The following HIVEP3 variants were observed in gnomAD, a reference collection of about 807,000 sequenced individuals.
HIVEP3 encodes transcription factor HIVEP3.
Under a neutral mutation model 152.8 loss-of-function variants are expected in HIVEP3, and 49 were observed. That is an observed-to-expected ratio of 0.32 (90% CI 0.26 to 0.41). The LOEUF is 0.41. HIVEP3 is among the 10% of genes least tolerant of loss of function. The pLI, the probability that HIVEP3 is intolerant of heterozygous loss-of-function variation, is 1.00. For missense variants in HIVEP3, 2,790 were observed against 3,103.3 expected, an observed-to-expected ratio of 0.90 and a Z score of 2.40; for synonymous variants, 1,269 against 1,289.0, an observed-to-expected ratio of 0.98 and a Z score of 0.33.
intron 1 of HIVEP3, among the ~76,000 whole-genome samples, chr1:41,707,666 C>T (rs1264015270): frequency 6.6e-6 from 1 of 152,196 alleles, no homozygotes; most frequent in Non-Finnish European, 1.5e-5. Flanking sequence ...AGAGGGGGAT[C>T]TTGGGTCAGA....
chr1:41,893,929 T>C (rs991896389), intron 1 of HIVEP3, among the ~76,000 whole-genome samples: 3 of 148,624 alleles, frequency 2.0e-5, no homozygotes, highest in African/African-American at 4.9e-5. Context: ...TATATATAAA[T>C]TGTCTTTCTG....
At chr1:41,989,336 C>T (rs1014786240) in intron 1 of HIVEP3, among the ~76,000 whole-genome samples, 1 of 151,894 alleles carries the variant, frequency 6.6e-6, no homozygotes, top group East Asian at 1.9e-4. Context: ...TACTGTACAT[C>T]ATAAATATGT....
chr1:41,520,029 TG>T (rs1223076852), intron 6 of HIVEP3, among the ~76,000 whole-genome samples: 1 of 151,836 alleles, frequency 6.6e-6, no homozygotes, highest in Non-Finnish European at 1.5e-5. Context: ...GTTGGATGGG[TG>T]GGAGGACAAA....
intron 2 of HIVEP3, among the ~76,000 whole-genome samples, chr1:41,648,873 C>T (rs772017597): frequency 1.2e-4 from 19 of 152,226 alleles, no homozygotes; most frequent in Non-Finnish European, 2.5e-4. Context: ...TAGCCCTTGG[C>T]ACTGCTTGGC....
Position 41,581,786 on chromosome 1 carries a change from G to A in HIVEP3, c.3012C>T (p.His1004=), listed in dbSNP as rs1446955508. 6.3e-7 allele frequency: 1 copy of A among 1,589,286 alleles called. No homozygotes were observed. The highest frequency in any genetic ancestry group is 1.2e-5 in the South Asian group (1 of 86,494). ...AGGATTTGCTGCGTGTCTCGGTCATGTGGGCAGAATGGGAAACGTTGGGGC... is the reference window on the plus strand; with the variant it reads ...AGGATTTGCTGCGTGTCTCGGTCATATGGGCAGAATGGGAAACGTTGGGGC... The part of the protein sequence containing the change: ...EQSPNVSHSA[H]MTETRSKSFD... The change falls in exon 4 of 9, where the codon CAC becomes CAT. Residue 1004 remains histidine, a synonymous_variant. Transcript: ENST00000372583. The surrounding 1 kb of genome is among the most constrained non-coding windows in gnomAD (Gnocchi z 4.5).
chr1:41,991,215 T>C (rs966277498), intron 1 of HIVEP3, among the ~76,000 whole-genome samples: 8 of 152,116 alleles, frequency 5.3e-5, no homozygotes, highest in African/African-American at 1.9e-4. Flanking sequence ...ATCCAGGAGC[T>C]GGTTTTTTGA....
chr1:41,507,163 C>T lies in HIVEP3; in HGVS notation c.*3288G>A, dbSNP rs1308212154. ...CTCAGATGTATTGCTCATTCCTCTT[C>T]AGAAGGACTGGGTGGGAATGGAGCA... On this transcript the variant is annotated 3_prime_UTR_variant, in exon 9 of 9. Coordinates refer to ENST00000372583, the MANE Select transcript of HIVEP3 (RefSeq NM_024503.5). 1 of 152,204 alleles carries T rather than the reference C, an allele frequency of 6.6e-6. No homozygotes were observed. The highest frequency in any genetic ancestry group is 2.4e-5 in the African/African-American group (1 of 41,430). The allele number at this position is 152,204 out of a possible 1,614,324, so 9.4% of individuals were successfully genotyped here.
chr1:41,982,195 C>T (rs1002186290), intron 1 of HIVEP3, among the ~76,000 whole-genome samples: 2 of 152,202 alleles, frequency 1.3e-5, no homozygotes, highest in Non-Finnish European at 2.9e-5. Context: ...CCATCATCCA[C>T]GTCAAAGGGG....
At chr1:41,521,606 CT>C (rs1395183528) in intron 6 of HIVEP3, among the ~76,000 whole-genome samples, 7 of 152,248 alleles carry the variant, frequency 4.6e-5, no homozygotes, top group Admixed American at 4.6e-4. Context: ...GGGCCAGGGC[CT>C]CAGCTTGTCA....
Position 41,827,957 on chromosome 1 carries a change from A to C in HIVEP3, c.-801+90456T>G, listed in dbSNP as rs367985631. ...GGGAGGGAAGAGGGAGAGGAGAGGC[A>C]GAGAAGTCAGAGTCCTTGTCACTCC... On this transcript the variant is annotated intron_variant, in intron 1 of 8. Transcript: ENST00000372583. Among the ~76,000 whole-genome samples the C allele has an allele frequency of 5.9e-5, 9 of 152,272 alleles. No individual in the cohort carries two copies. In the East Asian group the frequency reaches 1.7e-3, roughly 29 times the overall value.
At chr1:41,946,649 T>C (rs1267557784) in intron 1 of HIVEP3, among the ~76,000 whole-genome samples, 4 of 151,964 alleles carry the variant, frequency 2.6e-5, no homozygotes, top group Non-Finnish European at 5.9e-5. Context: ...GAACACCCAT[T>C]TGCTGTCCCC....
chr1:41,893,122 CAAAAAAAAA>C (rs59214004), intron 1 of HIVEP3, among the ~76,000 whole-genome samples: 1 of 76,832 alleles, frequency 1.3e-5, no homozygotes, highest in African/African-American at 4.5e-5. Context: ...GATCTCGTCT[CAAAAAAAAA>C]AAAAAAAAAA....
rs1484506095 is a variant in HIVEP3 at position 41,603,469 on chromosome 1, C to T, written c.-521-18151G>A. 5.3e-5 allele frequency among the ~76,000 whole-genome samples: 8 copies of T among 152,132 alleles called. No homozygotes were observed. In the East Asian group the frequency reaches 1.5e-3, roughly 29 times the overall value. ...CTGCCTACCAGGTTCAAGCGATTCTCCTGCCTCAGCCTCCTCAGCAGCTGG... is the reference window on the plus strand; with the variant it reads ...CTGCCTACCAGGTTCAAGCGATTCTTCTGCCTCAGCCTCCTCAGCAGCTGG... On this transcript the variant is annotated intron_variant, in intron 3 of 8. Transcript: ENST00000372583.
intron 1 of HIVEP3, among the ~76,000 whole-genome samples, chr1:41,974,485 C>CTA (rs1252807787): frequency 4.1e-5 from 2 of 48,918 alleles, no homozygotes; most frequent in Non-Finnish European, 9.4e-5. Context: ...ACTCCACCCC[C>CTA]TACACACACA....
intron 2 of HIVEP3, among the ~76,000 whole-genome samples, chr1:41,637,864 G>T (rs931833442): frequency 2.6e-5 from 4 of 152,188 alleles, no homozygotes; most frequent in Non-Finnish European, 4.4e-5. Flanking sequence ...AGAGCAGAAT[G>T]GGGGGTCAGT....
intron 3 of HIVEP3, among the ~76,000 whole-genome samples, chr1:41,610,931 C>T (rs1050488062): frequency 9.2e-5 from 14 of 152,142 alleles, no homozygotes; most frequent in African/African-American, 3.4e-4. Flanking sequence ...GCTCCCTGAA[C>T]AAGACGATGT....
chr1:41,769,544 C>T (rs1648220448), intron 1 of HIVEP3, among the ~76,000 whole-genome samples: 1 of 151,912 alleles, frequency 6.6e-6, no homozygotes, highest in Admixed American at 6.6e-5. Context: ...AAATACAAGA[C>T]CAGCCTGGAG....
intron 1 of HIVEP3, among the ~76,000 whole-genome samples, chr1:41,838,505 G>A (rs1245162566): frequency 6.6e-6 from 1 of 152,056 alleles, no homozygotes; most frequent in African/African-American, 2.4e-5. Flanking sequence ...CCTCGGATCT[G>A]GCCTCCCCTT....
At position 41,541,416 on chromosome 1, in the gene HIVEP3, G is replaced by A. The variant is rs141064358; in HGVS notation, c.5208-16506C>T. 9.4e-3 allele frequency among the ~76,000 whole-genome samples: 1,433 copies of A among 152,260 alleles called. 22 individuals carry two copies. The highest frequency in any genetic ancestry group is 0.033 in the African/African-American group (1,358 of 41,538). The stretch of plus-strand genomic sequence containing the variant: ...GAAGAATCCCTTTGTGAGCCCCATG[G>A]CTGCCCTCCAGTGACTGGTGAGTCT... On this transcript the variant is annotated intron_variant, in intron 5 of 8. Transcript: ENST00000372583.
Sources: gnomAD v4.1 joint callset for allele counts (sites outside exome capture counted in the v4.1 genomes callset) on GRCh38, gnomAD v4.1.1 for gene constraint, Gnocchi (gnomAD v3.1) non-coding constraint, MANE v1.5 for transcripts, NCBI Gene and HGNC (gene_info 2026-07-23, HGNC 2026-07-21) for gene names.